Variants in KLF8 observed in about 807,000 individuals in gnomAD.
KLF8 encodes KLF transcription factor 8, also known as Krueppel-like factor 8.
KLF8 carries 10 observed loss-of-function variants against 18.2 expected under a neutral mutation model. That is an observed-to-expected ratio of 0.55 (90% CI 0.34 to 0.93). KLF8 has a LOEUF of 0.93. Among genes scored for constraint, KLF8 ranks in the 40% least tolerant of loss-of-function variants. The probability of loss-of-function intolerance (pLI) is 0.02; values close to 1 mark genes in which losing one functional copy is unlikely to be tolerated. For missense variants in KLF8, 264 were observed against 277.9 expected (o/e 0.95, Z 0.36); for synonymous variants, 109 against 97.3 (o/e 1.12, Z -0.71).
At chrX:55,939,268 A>G in the KLF8 span, among the ~76,000 whole-genome samples, 1 of 111,990 alleles carries the variant, frequency 8.9e-6, no homozygotes, top group Non-Finnish European at 1.9e-5. Context: ...CCTGCTCCTG[A>G]ATAACTACTG....
chrX:55,909,593 T>C, the KLF8 span, among the ~76,000 whole-genome samples: 2 of 112,417 alleles, frequency 1.8e-5, no homozygotes, highest in Non-Finnish European at 3.8e-5. Context: ...TGGAGACAAA[T>C]GTTGAATTTG....
At chrX:55,925,395 C>T in the KLF8 span, among the ~76,000 whole-genome samples, 1 of 109,605 alleles carries the variant, frequency 9.1e-6, no homozygotes, top group Admixed American at 9.9e-5. Context: ...TCACTACACA[C>T]GCATGCACAC....
At chrX:56,214,238 A>G in the KLF8 span, among the ~76,000 whole-genome samples, 4 of 111,811 alleles carry the variant, frequency 3.6e-5, no homozygotes, top group Admixed American at 9.5e-5. Context: ...TGGGGATAAT[A>G]AAGTTCTCAG....
At chrX:56,268,054 T>C (rs1438086688) in intron 3 of KLF8, 1 of 111,267 alleles carries the variant, frequency 9.0e-6, no homozygotes, top group African/African-American at 3.3e-5. Flanking sequence ...CATGCACTAT[T>C]TGTCCTTCTG....
At chrX:56,103,359 C>T in the KLF8 span, among the ~76,000 whole-genome samples, 1 of 111,479 alleles carries the variant, frequency 9.0e-6, no homozygotes, top group African/African-American at 3.3e-5. Context: ...AATGTTCTTC[C>T]ATTTGTTTGT....
At chrX:56,009,045 G>A in the KLF8 span, among the ~76,000 whole-genome samples, 1 of 111,214 alleles carries the variant, frequency 9.0e-6, no homozygotes, top group Non-Finnish European at 1.9e-5. Context: ...GTACGGAGAA[G>A]CAACATTACC....
intron 5 of KLF8, among the ~76,000 whole-genome samples, chrX:56,281,983 C>T (rs1425702353): frequency 8.9e-6 from 1 of 112,054 alleles, no homozygotes; most frequent in Non-Finnish European, 1.9e-5. Context: ...GGTGTCACTG[C>T]CTTACAAGTC....
the KLF8 span, among the ~76,000 whole-genome samples, chrX:56,173,559 T>A: frequency 8.9e-6 from 1 of 112,201 alleles, no homozygotes; most frequent in African/African-American, 3.2e-5. Context: ...TTCTTTTGGC[T>A]CAAGATTCAC....
the KLF8 span, among the ~76,000 whole-genome samples, chrX:56,102,834 G>A: frequency 9.1e-6 from 1 of 109,917 alleles, no homozygotes; most frequent in Non-Finnish European, 1.9e-5. Context: ...CATGTGACAT[G>A]TTGGTGTGCT....
the KLF8 span, among the ~76,000 whole-genome samples, chrX:56,200,661 A>T: frequency 9.0e-6 from 1 of 111,354 alleles, no homozygotes; most frequent in Non-Finnish European, 1.9e-5. Context: ...AATCAAAAAA[A>T]AAATGAAAAG....
chrX:56,159,851 T>C, the KLF8 span, among the ~76,000 whole-genome samples: 8 of 111,688 alleles, frequency 7.2e-5, no homozygotes, highest in Non-Finnish European at 1.3e-4. Flanking sequence ...CCTGGATTCA[T>C]TGATTTTTTG....
the KLF8 span, among the ~76,000 whole-genome samples, chrX:56,090,020 G>A: frequency 1.2e-4 from 13 of 111,923 alleles, no homozygotes; most frequent in Non-Finnish European, 2.4e-4. Flanking sequence ...TAACCAAGTT[G>A]GAGGAAGGGA....
chrX:56,145,091 C>T, the KLF8 span, among the ~76,000 whole-genome samples: 3 of 110,988 alleles, frequency 2.7e-5, no homozygotes, highest in Non-Finnish European at 5.7e-5. Flanking sequence ...CAGCGCCCAG[C>T]CAGAATGCAT....
At chrX:56,263,996 G>A (rs2066922901) in intron 2 of KLF8, among the ~76,000 whole-genome samples, 1 of 111,768 alleles carries the variant, frequency 8.9e-6, no homozygotes, top group Non-Finnish European at 1.9e-5. Flanking sequence ...TTTATATAAA[G>A]GATGTATTCC....
the KLF8 span, among the ~76,000 whole-genome samples, chrX:56,137,306 G>T: frequency 1.8e-5 from 2 of 108,509 alleles, no homozygotes; most frequent in Non-Finnish European, 3.8e-5. Flanking sequence ...ACATGCACAC[G>T]TATGTTTATT....
chrX:56,122,055 T>C, the KLF8 span, among the ~76,000 whole-genome samples: 4 of 111,595 alleles, frequency 3.6e-5, no homozygotes, highest in South Asian at 1.5e-3. Flanking sequence ...CCTTATTAAC[T>C]GAAATGATAA....
the KLF8 span, among the ~76,000 whole-genome samples, chrX:56,198,942 T>A: frequency 9.0e-6 from 1 of 111,558 alleles, no homozygotes; most frequent in South Asian, 3.8e-4. Context: ...ACCACACATC[T>A]ACCACCATCT....
chrX:56,150,528 T>C, the KLF8 span, among the ~76,000 whole-genome samples: 2 of 111,601 alleles, frequency 1.8e-5, no homozygotes, highest in Non-Finnish European at 3.8e-5. Context: ...GTCAAATGAG[T>C]AATGTATCAT....
the KLF8 span, among the ~76,000 whole-genome samples, chrX:56,105,084 T>C: frequency 8.9e-6 from 1 of 111,929 alleles, no homozygotes; most frequent in South Asian, 3.7e-4. Flanking sequence ...GAGAGACAGT[T>C]TGTTGTGATT....
Sources: gnomAD v4.1 joint callset for allele counts (sites outside exome capture counted in the v4.1 genomes callset) on GRCh38, gnomAD v4.1.1 for gene constraint, MANE v1.5 for transcripts, NCBI Gene and HGNC (gene_info 2026-07-23, HGNC 2026-07-21) for gene names.